DACT2: variants seen among roughly 807,000 people sequenced by gnomAD.
The protein encoded by DACT2 is dishevelled binding antagonist of beta catenin 2.
In DACT2, 20 loss-of-function variants were observed where a neutral mutation model predicts 22.2. The ratio of observed to expected loss-of-function variants is 0.90; its 90% CI spans 0.63 to 1.31. The LOEUF is 1.31. DACT2 is among the 50% of genes most tolerant of loss of function. The pLI is 0.00. For synonymous variants in DACT2, 463 were observed against 479.8 expected, an observed-to-expected ratio of 0.96 and a Z score of 0.46; for missense variants, 1,048 against 1,061.4, an observed-to-expected ratio of 0.99 and a Z score of 0.18.
In DACT2 at chr6:168,315,395, A is replaced by C. The variant is rs575730419; in HGVS notation, c.246+3993T>G. 2.9e-4 allele frequency among the ~76,000 whole-genome samples: 44 copies of C among 152,196 alleles called. 1 individual carries two copies. The South Asian group carries it at 7.9e-3, about 27-fold the overall frequency. ...TGGCCGGCACTTCTTGGGAACGACAAGTTTCCTCACAGACATACATGAGGA... is the reference window on the plus strand; with the variant it reads ...TGGCCGGCACTTCTTGGGAACGACACGTTTCCTCACAGACATACATGAGGA... On this transcript the variant is annotated intron_variant, in intron 1 of 3. Coordinates refer to ENST00000366795, the MANE Select transcript of DACT2 (RefSeq NM_214462.5).
At chr6:168,318,574 GTTTGTC>G (rs1287494061) in intron 1 of DACT2, among the ~76,000 whole-genome samples, 1 of 152,152 alleles carries the variant, frequency 6.6e-6, no homozygotes, top group East Asian at 1.9e-4. Context: ...AGCCTTTTTA[GTTTGTC>G]TTTAAGAAAA....
At chr6:168,309,978 C>T (rs959171372) in intron 3 of DACT2, among the ~76,000 whole-genome samples, 190 bp downstream of exon 3, 5 of 152,226 alleles carry the variant, frequency 3.3e-5, no homozygotes, top group African/African-American at 4.8e-5. Flanking sequence ...GGTGGTGATG[C>T]GCACAGCCGC....
chr6:168,296,711 T>C (rs1475515786), intron 3 of DACT2, among the ~76,000 whole-genome samples: 1 of 152,190 alleles, frequency 6.6e-6, no homozygotes, highest in Non-Finnish European at 1.5e-5. Flanking sequence ...CTAATAACAA[T>C]AAGGAATAGC....
At chr6:168,294,554 T>C (rs1171436485) in intron 4 of DACT2, 1 of 668,468 alleles carries the variant, frequency 1.5e-6, no homozygotes, top group Non-Finnish European at 2.1e-6. Flanking sequence ...AATATGTGTG[T>C]GTGTGTATGT....
In DACT2 at chr6:168,308,050, C is replaced by T; in HGVS notation, c.1707G>A (p.Met569Ile). 2 of 1,548,474 alleles carry T rather than the reference C, an allele frequency of 1.3e-6. No homozygotes were observed. The highest frequency in any genetic ancestry group is 1.7e-6 in the Non-Finnish European group (2 of 1,145,270). ...RSCSESTLYPMPVLVPLAVAP... is the reference protein window; with the variant it reads ...RSCSESTLYPIPVLVPLAVAP... ...CCACTGCCAAGGGGACGAGGACAGG[C>T]ATGGGGTAGAGGGTGGACTCAGAAC... The change falls in exon 4 of 4, where the codon ATG becomes ATA. Residue 569 changes from methionine to isoleucine, a missense_variant. Transcript: ENST00000366795.
chr6:168,310,993 T>A (rs763959655), intron 2 of DACT2, among the ~76,000 whole-genome samples, 159 bp downstream of exon 2: 1 of 152,240 alleles, frequency 6.6e-6, no homozygotes, highest in African/African-American at 2.4e-5. Context: ...TGTTGCCTCC[T>A]AACTTTCAGA....
Position 168,308,282 on chromosome 6 carries a change from G to C in DACT2, c.1475C>G (p.Pro492Arg), listed in dbSNP as rs893871122. The C allele has an allele frequency of 1.3e-6, 2 of 1,552,114 alleles. No individual in the cohort carries two copies. Among genetic ancestry groups the C allele is most frequent in the Non-Finnish European group, 1.7e-6 (2 of 1,147,122 alleles). ...SFAASLKMGP[P>R]KSKAEKIKRS... ...CTTGATTTTTTCAGCCTTGCTCTTG[G>C]GGGGACCCATTTTCAGGCTGGCAGC... Residue 492 changes from proline (P) to arginine (R), a missense_variant, in exon 4 of 4, where the codon CCC (proline) becomes CGC (arginine). Coordinates refer to ENST00000366795, the MANE Select transcript of DACT2 (RefSeq NM_214462.5).
chr6:168,304,344 G>A (rs1364906619), downstream of DACT2, among the ~76,000 whole-genome samples: 1 of 152,260 alleles, frequency 6.6e-6, no homozygotes, highest in Non-Finnish European at 1.5e-5. Context: ...CTGCGCGCCT[G>A]CCTGGGCCAC....
rs1352579311 is a variant in DACT2, at chr6:168,318,784, C to T, written c.246+604G>A. Among the ~76,000 whole-genome samples the T allele has an allele frequency of 3.9e-5, 6 of 152,140 alleles. No individual in the cohort carries two copies. The East Asian group carries it at 7.7e-4, about 20-fold the overall frequency. The stretch of plus-strand genomic sequence containing the variant: ...TCTCTCTCCTCTGGATCAGAGGACA[C>T]GCCTCTCCTTACAGGTCAGGTCACA... On this transcript the variant is annotated intron_variant, in intron 1 of 3. Transcript: ENST00000366795.
intron 3 of DACT2, among the ~76,000 whole-genome samples, chr6:168,296,862 C>T (rs2114892661): frequency 6.6e-6 from 1 of 152,268 alleles, no homozygotes; most frequent in East Asian, 1.9e-4. Context: ...AATTTATAGA[C>T]AAGCCTCAGC....
At chr6:168,310,581 T>C in intron 2 of DACT2, 135 bp from the exon 3 acceptor site, 1 of 1,214,040 alleles carries the variant, frequency 8.2e-7, no homozygotes, top group Non-Finnish European at 1.1e-6. Context: ...CTGTGTGCCA[T>C]CGTCCACACG....
chr6:168,293,505 GCTCA>G, exon 6 of DACT2: 1 of 177,934 alleles, frequency 5.6e-6, no homozygotes, highest in Non-Finnish European at 1.2e-5. Flanking sequence ...AAGAAGGAAT[GCTCA>G]CTAACATTCT....
At chr6:168,300,596 C>G (rs1779085612) in intron 3 of DACT2, 1 of 151,138 alleles carries the variant, frequency 6.6e-6, no homozygotes, top group Non-Finnish European at 1.5e-5. Flanking sequence ...GAGACTGTAG[C>G]CAAAAGAAAA....
rs982919768 is a variant in DACT2 at position 168,308,400 on chromosome 6, G to T, written c.1357C>A (p.Gln453Lys). ...ATGATGTTGCCTCGTCCATAGTCCT[G>T]AGCTGAGGGTGTCTGCTGGGCCTTT... ...SSKAQQTPSA[Q>K]DYGRGNIISP... The change falls in exon 4 of 4, where the codon CAG becomes AAG. Residue 453 changes from glutamine (Q) to lysine (K), a missense_variant. Gln to Lys is a moderately conservative substitution (Grantham distance 53, BLOSUM62 1). Transcript: ENST00000366795. 5.8e-6 allele frequency: 9 copies of T among 1,551,712 alleles called. No individual in the cohort carries two copies. The Admixed American group carries it at 1.4e-4, about 24-fold the overall frequency.
intron 1 of DACT2, among the ~76,000 whole-genome samples, chr6:168,311,548 A>ATACACACACACC (rs1562498379): frequency 3.8e-5 from 3 of 79,540 alleles, no homozygotes; most frequent in African/African-American, 2.1e-4. Context: ...ATCCACACAC[A>ATACACACACACC]CATACACACA....
Position 168,307,688 on chromosome 6 carries a change from G to A in DACT2, c.2069C>T (p.Thr690Ile). ...ETSEGESSDH[T>I]TNRFGDRESS... is the part of the protein sequence containing the mutation. Reference sequence around the variant, plus strand: ...CTCACGGTCTCCGAATCGGTTGGTGGTGTGGTCACTGGACTCTCCCTCGCT... The same window carrying A: ...CTCACGGTCTCCGAATCGGTTGGTGATGTGGTCACTGGACTCTCCCTCGCT... Residue 690 changes from threonine (T) to isoleucine (I), a missense_variant, in exon 4 of 4, where the codon ACC becomes ATC. Transcript: ENST00000366795. The surrounding 1 kb of genome is among the most constrained non-coding windows in gnomAD (Gnocchi z 5.3). 1 of 1,550,406 alleles carries A rather than the reference G, an allele frequency of 6.4e-7. No homozygotes were observed.
At position 168,307,681 on chromosome 6, in the gene DACT2, G is replaced by A. The variant is rs1779249471; in HGVS notation, c.2076C>T (p.Asn692=). Residue 692 remains asparagine (N), a synonymous_variant, in exon 4 of 4, where the codon AAC becomes AAT. Coordinates refer to ENST00000366795, the MANE Select transcript of DACT2 (RefSeq NM_214462.5). The surrounding 1 kb of genome is among the most constrained non-coding windows in gnomAD (Gnocchi z 5.3). The part of the protein sequence containing the change: ...SEGESSDHTT[N]RFGDRESSSS... ...TGCTGGACTCACGGTCTCCGAATCGGTTGGTGGTGTGGTCACTGGACTCTC... is the reference window on the plus strand; with the variant it reads ...TGCTGGACTCACGGTCTCCGAATCGATTGGTGGTGTGGTCACTGGACTCTC... 6.5e-6 allele frequency: 10 copies of A among 1,550,254 alleles called. No homozygotes were observed. Among genetic ancestry groups the A allele is most frequent in the Non-Finnish European group, 8.7e-6 (10 of 1,146,542 alleles).
At chr6:168,313,893 G>GGGCTGCAGGACACA (rs1388699560) in intron 1 of DACT2, among the ~76,000 whole-genome samples, 1 of 152,050 alleles carries the variant, frequency 6.6e-6, no homozygotes, top group East Asian at 1.9e-4. Flanking sequence ...AATGGTCGAG[G>GGGCTGCAGGACACA]GGCTGCAGGA....
Position 168,310,222 on chromosome 6 carries a change from C to A in DACT2, c.604G>T (p.Val202Leu). 2 of 1,551,022 alleles carry A rather than the reference C, an allele frequency of 1.3e-6. No individual in the cohort carries two copies. Among genetic ancestry groups the A allele is most frequent in the Non-Finnish European group, 1.7e-6 (2 of 1,146,978 alleles). Residue 202 changes from valine to leucine, a missense_variant, in exon 3 of 4, where the codon GTG becomes TTG. Coordinates refer to ENST00000366795, the MANE Select transcript of DACT2 (RefSeq NM_214462.5). Reference sequence around the variant, plus strand: ...CCCCACGGCTGGCCTGCATCCTCCACGCTCCCTGGGGGCCTGGCGCCCTCC... The same window carrying A: ...CCCCACGGCTGGCCTGCATCCTCCAAGCTCCCTGGGGGCCTGGCGCCCTCC... ...TEEGARPPGS[V>L]EDAGQPWGTF... is the part of the protein sequence containing the mutation.
Sources: allele counts gnomAD v4.1 joint callset (sites outside exome capture counted in the v4.1 genomes callset), GRCh38; gene constraint gnomAD v4.1.1; non-coding constraint Gnocchi (gnomAD v3.1); transcripts MANE v1.5; gene names NCBI Gene and HGNC (gene_info 2026-07-23, HGNC 2026-07-21).